Variants in LRP11 observed in about 807,000 individuals in gnomAD.
LRP11 encodes the protein low-density lipoprotein receptor-related protein 11.
LRP11 carries 25 observed loss-of-function variants against 43.1 expected under a neutral mutation model. That is an observed-to-expected ratio of 0.58 (90% CI 0.42 to 0.81). The LOEUF is 0.81. Among genes scored for constraint, LRP11 ranks in the 30% least tolerant of loss-of-function variants. LRP11 has a pLI of 0.00. For synonymous variants in LRP11, 316 were observed against 299.4 expected (o/e 1.06, Z -0.57); for missense variants, 623 against 665.1 (o/e 0.94, Z 0.70).
intron 6 of LRP11, among the ~76,000 whole-genome samples, chr6:149,820,965 C>T (rs1036189010): frequency 2.2e-5 from 3 of 134,120 alleles, no homozygotes; most frequent in East Asian, 2.1e-4. Flanking sequence ...GAGTCTTGCT[C>T]TGTTGCCCAG....
At chr6:149,837,246 G>A in intron 4 of LRP11, 92 bp downstream of exon 4, 1 of 1,381,552 alleles carries the variant, frequency 7.2e-7, no homozygotes, top group Non-Finnish European at 9.9e-7. Context: ...AGCAGGGGAA[G>A]GACACTGTGT....
chr6:149,834,298 C>A (rs1354194250), intron 5 of LRP11, among the ~76,000 whole-genome samples: 3 of 152,156 alleles, frequency 2.0e-5, no homozygotes, highest in African/African-American at 7.2e-5. Context: ...GAATGTCAGC[C>A]TATTTATCAT....
chr6:149,864,220 T>C lies in LRP11; in HGVS notation c.-200A>G, dbSNP rs1777000584. 2 of 1,103,958 alleles carry C rather than the reference T, an allele frequency of 1.8e-6. No individual in the cohort carries two copies. Among genetic ancestry groups the C allele is most frequent in the South Asian group, 4.5e-5 (1 of 22,412 alleles). The allele number at this position is 1,103,958 out of a possible 1,614,324, so 68.4% of individuals were successfully genotyped here. Reference sequence around the variant, plus strand: ...GCGGGAACCGCAGTAGCGGGAGACATAGCCGGCCCAGCCGGGCACCGCTCC... The same window carrying C: ...GCGGGAACCGCAGTAGCGGGAGACACAGCCGGCCCAGCCGGGCACCGCTCC... On this transcript the variant is annotated 5_prime_UTR_variant, in exon 1 of 7. It removes an upstream start codon present in the reference 5' UTR. Coordinates refer to ENST00000239367, the MANE Select transcript of LRP11 (RefSeq NM_032832.6).
chr6:149,849,984 C>A, intron 2 of LRP11, among the ~76,000 whole-genome samples: 1 of 152,106 alleles, frequency 6.6e-6, no homozygotes. Context: ...CACTACTCTG[C>A]CTGAGAACAG....
intron 2 of LRP11, among the ~76,000 whole-genome samples, chr6:149,846,940 A>T (rs1776641468): frequency 2.7e-5 from 4 of 145,916 alleles, no homozygotes; most frequent in Non-Finnish European, 5.9e-5. Flanking sequence ...TCTCAATATA[A>T]AATAAAATAA....
At chr6:149,858,792 C>T (rs542711791) in intron 1 of LRP11, among the ~76,000 whole-genome samples, 6 of 152,324 alleles carry the variant, frequency 3.9e-5, no homozygotes, top group African/African-American at 1.4e-4. Context: ...TACTACTGGA[C>T]ATTTACTTTG....
At chr6:149,846,520 A>T (rs1430051783) in intron 2 of LRP11, among the ~76,000 whole-genome samples, 1 of 152,172 alleles carries the variant, frequency 6.6e-6, no homozygotes, top group Non-Finnish European at 1.5e-5. Flanking sequence ...ATGTGAGTGG[A>T]GGCGTGGGCT....
chr6:149,845,683 A>C (rs757445790), intron 2 of LRP11, among the ~76,000 whole-genome samples: 2 of 151,942 alleles, frequency 1.3e-5, no homozygotes, highest in Non-Finnish European at 2.9e-5. Context: ...GAACCCACTG[A>C]AATAAAAGTG....
intron 2 of LRP11, among the ~76,000 whole-genome samples, chr6:149,844,792 T>G (rs1205866088): frequency 1.3e-5 from 2 of 152,210 alleles, no homozygotes; most frequent in Non-Finnish European, 1.5e-5. Context: ...TGGACTGACT[T>G]AGGCTTAGAG....
chr6:149,863,291 T>C, intron 1 of LRP11, 117 bp downstream of exon 1: 2 of 1,269,064 alleles, frequency 1.6e-6, no homozygotes, highest in Non-Finnish European at 2.0e-6. Flanking sequence ...CCAGAAACTC[T>C]TCTGGGTGCC....
intron 6 of LRP11, among the ~76,000 whole-genome samples, chr6:149,822,539 A>G (rs1319065194): frequency 6.6e-6 from 1 of 151,880 alleles, no homozygotes; most frequent in Non-Finnish European, 1.5e-5. Context: ...GACTTGTCTA[A>G]GATTGTTAAG....
rs898247037 is a variant in LRP11 at position 149,863,666 on chromosome 6, G to C, written c.355C>G (p.Arg119Gly). 10 of 1,472,790 alleles carry C rather than the reference G, an allele frequency of 6.8e-6. No individual in the cohort carries two copies. Among genetic ancestry groups the C allele is most frequent in the Non-Finnish European group, 8.0e-6 (9 of 1,118,816 alleles). 91.2% of individuals were successfully genotyped at this position (1,472,790 alleles called of 1,614,324 possible). ...CAGCCCCGCACGGCCGCCGGCGCCC[G>C]CAGGAAGCTGGCACCCGCCGCCAGG... Reference protein sequence around the residue: ...DSLAAGASFLRAPAAVRGWRQ... With the variant: ...DSLAAGASFLGAPAAVRGWRQ... Residue 119 changes from arginine (R) to glycine (G), a missense_variant, in exon 1 of 7, where the codon CGG (arginine) becomes GGG (glycine). Coordinates refer to ENST00000239367, the MANE Select transcript of LRP11 (RefSeq NM_032832.6).
intron 1 of LRP11, among the ~76,000 whole-genome samples, chr6:149,863,205 A>G (rs1381070838): frequency 6.6e-6 from 1 of 152,184 alleles, no homozygotes; most frequent in African/African-American, 2.4e-5. Context: ...AAATTCCAGT[A>G]GCACGTCACC....
intron 5 of LRP11, among the ~76,000 whole-genome samples, chr6:149,828,896 T>C (rs948695145): frequency 2.0e-5 from 3 of 152,120 alleles, no homozygotes; most frequent in African/African-American, 7.2e-5. Context: ...TTGGTAGAGA[T>C]ATAGAAAACA....
At chr6:149,859,355 ATTTTT>A (rs1248735004) in intron 1 of LRP11, among the ~76,000 whole-genome samples, 1 of 91,672 alleles carries the variant, frequency 1.1e-5, no homozygotes, top group Admixed American at 1.2e-4. Context: ...TTGCCCATTT[ATTTTT>A]ATTTTTCTTG....
At chr6:149,859,396 A>ATATTTATTTTTTTTTTTTTTTTTTTTTTT in intron 1 of LRP11, among the ~76,000 whole-genome samples, 1 of 71,512 alleles carries the variant, frequency 1.4e-5, no homozygotes, top group African/African-American at 8.2e-5. Flanking sequence ...ATATATATAT[A>ATATTTATTTTTTTTTTTTTTTTTTTTTTT]TTTTTTTTTT....
chr6:149,822,129 C>T (rs1411780650), intron 6 of LRP11, among the ~76,000 whole-genome samples: 1 of 152,130 alleles, frequency 6.6e-6, no homozygotes, highest in East Asian at 1.9e-4. Flanking sequence ...GGGCAAATTG[C>T]TTGATCCCAG....
Position 149,844,693 on chromosome 6 carries a change from G to GTCCA in LRP11, c.772-1570_772-1569insTGGA, listed in dbSNP as rs1235024590. ...ATTTGACATTCTATTACATTGATGC[G>GTCCA]TTAATAATGGACTTTGGAAATTACA... is the stretch of plus-strand genomic sequence containing the variant. On this transcript the variant is annotated intron_variant, in intron 2 of 6. Coordinates refer to ENST00000239367, the MANE Select transcript of LRP11 (RefSeq NM_032832.6). Among the ~76,000 whole-genome samples the GTCCA allele has an allele frequency of 2.6e-5, 4 of 152,258 alleles. No homozygotes were observed. The East Asian group carries it at 7.7e-4, about 29-fold the overall frequency.
chr6:149,858,887 AT>A (rs748515150), intron 1 of LRP11, among the ~76,000 whole-genome samples: 128 of 152,350 alleles, frequency 8.4e-4, no homozygotes, highest in South Asian at 2.3e-3. Context: ...TTCCTAAAAA[AT>A]ATTCCAGAAG....
Sources: gnomAD v4.1 joint callset for allele counts (sites outside exome capture counted in the v4.1 genomes callset) on GRCh38, gnomAD v4.1.1 for gene constraint, MANE v1.5 for transcripts, NCBI Gene and HGNC (gene_info 2026-07-23, HGNC 2026-07-21) for gene names.